GLCE: variants seen among roughly 807,000 people sequenced by gnomAD.
GLCE encodes glucuronic acid epimerase, also known as D-glucuronyl C5-epimerase.
GLCE carries 19 observed loss-of-function variants against 47.9 expected under a neutral mutation model. The observed-to-expected ratio is 0.40, with a 90% CI of 0.28 to 0.58. GLCE has a LOEUF of 0.58. Among genes scored for constraint, GLCE ranks in the 20% least tolerant of loss-of-function variants. The pLI is 0.48. For synonymous variants in GLCE, 245 were observed against 263.4 expected, an observed-to-expected ratio of 0.93 and a Z score of 0.68; for missense variants, 556 against 743.3, an observed-to-expected ratio of 0.75 and a Z score of 2.93.
At chr15:69,167,829 T>G (rs570786469) in intron 1 of GLCE, among the ~76,000 whole-genome samples, 35 of 151,852 alleles carry the variant, frequency 2.3e-4, no homozygotes, top group Non-Finnish European at 4.4e-4. Flanking sequence ...AAAAGTTTTT[T>G]TTTTTTTTTT....
intron 1 of GLCE, among the ~76,000 whole-genome samples, chr15:69,202,827 C>T (rs1187158898): frequency 6.6e-6 from 1 of 152,112 alleles, no homozygotes; most frequent in Non-Finnish European, 1.5e-5. Context: ...CATCCCAAAT[C>T]CCTTCTTGAT....
intron 1 of GLCE, among the ~76,000 whole-genome samples, chr15:69,210,109 A>T (rs950592844): frequency 2.6e-5 from 4 of 152,092 alleles, no homozygotes; most frequent in African/African-American, 9.7e-5. Context: ...AGAGGGGGAA[A>T]TAAATGGTAA....
intron 1 of GLCE, among the ~76,000 whole-genome samples, chr15:69,177,307 TCTGC>T (rs1457675393): frequency 1.3e-5 from 2 of 152,148 alleles, no homozygotes; most frequent in African/African-American, 2.4e-5. Context: ...AGGTGATCCA[TCTGC>T]CTTGGTCTCC....
chr15:69,254,825 T>A (rs1171596860), intron 2 of GLCE, among the ~76,000 whole-genome samples: 1 of 152,034 alleles, frequency 6.6e-6, no homozygotes, highest in Non-Finnish European at 1.5e-5. Flanking sequence ...GCGAGAGAAT[T>A]TGGGGATAGT....
At chr15:69,225,913 C>CTACA (rs2052439518) in intron 2 of GLCE, among the ~76,000 whole-genome samples, 1 of 152,104 alleles carries the variant, frequency 6.6e-6, no homozygotes, top group African/African-American at 2.4e-5. Flanking sequence ...AGCTAAAAGC[C>CTACA]TACATCCTTA....
At position 69,167,221 on chromosome 15, in the gene GLCE, A is replaced by AAAAAC. The variant is rs550975189; in HGVS notation, c.-105+6483_-105+6487dup. Among the ~76,000 whole-genome samples the AAAAAC allele has an allele frequency of 6.2e-3, 951 of 152,342 alleles. 6 individuals are homozygous for AAAAAC. The highest frequency in any genetic ancestry group is 8.7e-3 in the Non-Finnish European group (593 of 68,034). On this transcript the variant is annotated intron_variant, in intron 1 of 4. Transcript: ENST00000261858. ...CAGAGCAAGACTCATCTCAAAAACA[A>AAAAAC]AAAACAAAACAAAACAAAACAAACA...
At chr15:69,225,459 T>C (rs1281426928) in intron 2 of GLCE, among the ~76,000 whole-genome samples, 5 of 152,210 alleles carry the variant, frequency 3.3e-5, no homozygotes, top group Non-Finnish European at 7.3e-5. Context: ...TGAGGGGCAG[T>C]TGTTATGCCT....
chr15:69,262,974 CT>C (rs1250209636), intron 4 of GLCE, among the ~76,000 whole-genome samples: 3 of 152,060 alleles, frequency 2.0e-5, no homozygotes, highest in Admixed American at 6.6e-5. Flanking sequence ...ACACAAAATT[CT>C]TTTATATTTC....
At chr15:69,190,677 A>G (rs1039705539) in intron 1 of GLCE, among the ~76,000 whole-genome samples, 1 of 152,130 alleles carries the variant, frequency 6.6e-6, no homozygotes, top group African/African-American at 2.4e-5. Context: ...GGTTTCTTGT[A>G]GACAGCATAT....
chr15:69,166,878 C>T (rs1396658412), intron 1 of GLCE, among the ~76,000 whole-genome samples: 1 of 131,870 alleles, frequency 7.6e-6, no homozygotes, highest in Non-Finnish European at 1.6e-5. Context: ...CGAGATTGTC[C>T]AGCCTGGCCG....
At chr15:69,181,782 G>T (rs2051751984) in intron 1 of GLCE, among the ~76,000 whole-genome samples, 1 of 152,114 alleles carries the variant, frequency 6.6e-6, no homozygotes, top group African/African-American at 2.4e-5. Context: ...TAACTTAAGA[G>T]AGATGTTCAA....
At chr15:69,175,989 A>G (rs182442672) in intron 1 of GLCE, among the ~76,000 whole-genome samples, 1 of 152,288 alleles carries the variant, frequency 6.6e-6, no homozygotes, top group Non-Finnish European at 1.5e-5. Context: ...CTGGCTGGCA[A>G]ATCTTACATT....
chr15:69,261,260 A>C lies in GLCE; in HGVS notation c.760A>C (p.Lys254Gln), dbSNP rs1295345242. ...CAAGCCTAATGACTGGACTGTGCCA[A>C]AGGGCTGCTTTATGGCGAATGTGGC... is the stretch of plus-strand genomic sequence containing the variant. ...KNKPNDWTVP[K>Q]GCFMANVADK... Residue 254 changes from lysine to glutamine, a missense_variant, in exon 4 of 5, where the codon AAG (lysine) becomes CAG (glutamine). Coordinates refer to ENST00000261858, the MANE Select transcript of GLCE (RefSeq NM_015554.3). The C allele has an allele frequency of 2.2e-5, 35 of 1,613,986 alleles. No individual in the cohort carries two copies. The highest frequency in any genetic ancestry group is 2.7e-5 in the Non-Finnish European group (32 of 1,179,968).
intron 2 of GLCE, among the ~76,000 whole-genome samples, chr15:69,217,840 T>A (rs977965827): frequency 6.6e-6 from 1 of 152,146 alleles, no homozygotes. Context: ...TTACACACAT[T>A]TTACAAACAA....
intron 1 of GLCE, among the ~76,000 whole-genome samples, chr15:69,183,078 G>C (rs2051773545): frequency 6.6e-6 from 1 of 152,070 alleles, no homozygotes; most frequent in Admixed American, 6.6e-5. Context: ...TTGACTGTAT[G>C]GGAATGAGTA....
chr15:69,245,215 C>A (rs1342242513), intron 2 of GLCE, among the ~76,000 whole-genome samples: 1 of 151,616 alleles, frequency 6.6e-6, no homozygotes, highest in African/African-American at 2.4e-5. Context: ...TGCCTGTAAT[C>A]CCAGCTACTC....
At chr15:69,238,811 T>C (rs907165716) in intron 2 of GLCE, among the ~76,000 whole-genome samples, 18 of 152,276 alleles carry the variant, frequency 1.2e-4, no homozygotes, top group African/African-American at 4.1e-4. Context: ...GAATAAGGCA[T>C]GTTTGAGTGG....
intron 2 of GLCE, among the ~76,000 whole-genome samples, chr15:69,229,230 G>T: frequency 6.6e-6 from 1 of 152,236 alleles, no homozygotes; most frequent in Non-Finnish European, 1.5e-5. Flanking sequence ...TTAATAATTT[G>T]GCTTTAAAGA....
At chr15:69,229,146 A>G (rs1455586110) in intron 2 of GLCE, among the ~76,000 whole-genome samples, 1 of 152,248 alleles carries the variant, frequency 6.6e-6, no homozygotes, top group Non-Finnish European at 1.5e-5. Context: ...TACTAGACGT[A>G]AAGAAGGTCA....
Sources: allele counts gnomAD v4.1 joint callset (sites outside exome capture counted in the v4.1 genomes callset), GRCh38; gene constraint gnomAD v4.1.1; transcripts MANE v1.5; gene names NCBI Gene and HGNC (gene_info 2026-07-23, HGNC 2026-07-21).